Variants in FNBP1 observed in about 807,000 individuals in gnomAD.
FNBP1 encodes the protein formin binding protein 1.
Under a neutral mutation model 90.6 loss-of-function variants are expected in FNBP1, and 26 were observed. The ratio of observed to expected loss-of-function variants is 0.29; its 90% confidence interval spans 0.21 to 0.40. The LOEUF is 0.40. Among genes scored for constraint, FNBP1 ranks in the 10% least tolerant of loss-of-function variants. The probability of loss-of-function intolerance (pLI) is 1.00; values close to 1 mark genes in which losing one functional copy is unlikely to be tolerated. For synonymous variants in FNBP1, 260 were observed against 265.2 expected (o/e 0.98, Z 0.19); for missense variants, 635 against 768.0 (o/e 0.83, Z 2.05).
intron 6 of FNBP1, among the ~76,000 whole-genome samples, chr9:129,942,851 T>TA (rs1020589905): frequency 6.6e-6 from 1 of 151,116 alleles, no homozygotes; most frequent in African/African-American, 2.4e-5. Context: ...CTTTCTTTTT[T>TA]TTTTCTGAGA....
At chr9:130,017,511 A>C (rs2057352847) in intron 1 of FNBP1, among the ~76,000 whole-genome samples, 1 of 152,176 alleles carries the variant, frequency 6.6e-6, no homozygotes, top group Non-Finnish European at 1.5e-5. Flanking sequence ...TGTGAATGTA[A>C]TTAACACACT....
chr9:129,890,267 A>G lies in FNBP1; in HGVS notation c.*272T>C. ...GTAGGGGCGTGTGTCCCACCGTCTC[A>G]GTGGCCTGCGCGGGGTGGGGAGGGG... On this transcript the variant is annotated 3_prime_UTR_variant, in exon 17 of 17. Coordinates refer to ENST00000446176, the MANE Select transcript of FNBP1 (RefSeq NM_015033.3). This position sits in a 1 kb window ranked among gnomAD's most constrained non-coding sequence, Gnocchi z 5.8. 1.9e-6 allele frequency: 1 copy of G among 521,066 alleles called. No individual in the cohort carries two copies. Among genetic ancestry groups the G allele is most frequent in the Non-Finnish European group, 3.4e-6 (1 of 294,118 alleles). 32.3% of individuals were successfully genotyped at this position (521,066 alleles called of 1,614,324 possible).
In FNBP1 at chr9:129,900,491, C is replaced by T; in HGVS notation, c.1485G>A (p.Arg495=). 1 of 1,600,704 alleles carries T rather than the reference C, an allele frequency of 6.2e-7. No homozygotes were observed. Among genetic ancestry groups the T allele is most frequent in the South Asian group, 1.1e-5 (1 of 88,900 alleles). Reference sequence around the variant, plus strand: ...TCTGGCTGTCGTACAGTCCGCTCTGCCGGCGCGCCTGCTCGCTGCGTGCTG... The same window carrying T: ...TCTGGCTGTCGTACAGTCCGCTCTGTCGGCGCGCCTGCTCGCTGCGTGCTG... ...RLPARSEQAR[R]QSGLYDSQNP... Residue 495 remains arginine, a synonymous_variant, in exon 14 of 17, where the codon CGG becomes CGA. Transcript: ENST00000446176. This position sits in a 1 kb window ranked among gnomAD's most constrained non-coding sequence, Gnocchi z 4.1.
intron 1 of FNBP1, among the ~76,000 whole-genome samples, chr9:129,998,360 C>T (rs1331948099): frequency 6.6e-6 from 1 of 151,234 alleles, no homozygotes; most frequent in East Asian, 1.9e-4. Context: ...ACTAAAAATA[C>T]AAAATTAGCT....
chr9:129,979,240 G>T, intron 3 of FNBP1, 78 bp downstream of exon 3: 1 of 769,446 alleles, frequency 1.3e-6, no homozygotes, highest in South Asian at 1.8e-5. Context: ...TATTTTTATA[G>T]ACATGTATTT....
chr9:130,026,789 CCAAAAAA>C (rs1309063021), intron 1 of FNBP1, among the ~76,000 whole-genome samples: 3 of 151,466 alleles, frequency 2.0e-5, no homozygotes, highest in Non-Finnish European at 2.9e-5. Flanking sequence ...CCTGTCTCTA[CCAAAAAA>C]CAAAAAACAA....
At position 130,042,928 on chromosome 9, in the gene FNBP1, C is replaced by T. The variant is rs2059974541; in HGVS notation, c.24+24G>A. 1 of 1,231,536 alleles carries T rather than the reference C, an allele frequency of 8.1e-7. No individual in the cohort carries two copies. The highest frequency in any genetic ancestry group is 1.0e-6 in the Non-Finnish European group (1 of 986,792). 76.3% of individuals were successfully genotyped at this position (1,231,536 alleles called of 1,614,324 possible). A position where few individuals can be genotyped will look rare whatever the true frequency, so the allele number is the denominator to read the frequency against. ...AACGCAGCGCGCGCCCCGCATCTGC[C>T]CGCGGGCCCAGCCCCTCACTCACCC... On this transcript the variant is annotated intron_variant, in intron 1 of 16. Coordinates refer to ENST00000446176, the MANE Select transcript of FNBP1 (RefSeq NM_015033.3). The surrounding 1 kb of genome is among the most constrained non-coding windows in gnomAD (Gnocchi z 5.5).
chr9:130,023,325 C>T (rs2058030377), intron 1 of FNBP1, among the ~76,000 whole-genome samples: 1 of 152,178 alleles, frequency 6.6e-6, no homozygotes, highest in African/African-American at 2.4e-5. Context: ...CCCAATTCCC[C>T]TTCTTTAACA....
chr9:130,033,734 T>C (rs966613137), intron 1 of FNBP1, among the ~76,000 whole-genome samples: 3 of 151,344 alleles, frequency 2.0e-5, no homozygotes, highest in African/African-American at 4.9e-5. Context: ...GGCTCACGCC[T>C]GTAATCACAG....
chr9:129,909,270 A>T (rs2038771641), intron 11 of FNBP1, among the ~76,000 whole-genome samples: 1 of 152,230 alleles, frequency 6.6e-6, no homozygotes, highest in Non-Finnish European at 1.5e-5. Context: ...AGAGTAAGAG[A>T]TACTTCTGAC....
intron 1 of FNBP1, among the ~76,000 whole-genome samples, chr9:130,002,438 G>A (rs185047151): frequency 6.6e-6 from 1 of 152,222 alleles, no homozygotes; most frequent in East Asian, 1.9e-4. Flanking sequence ...CCTTGGTGCC[G>A]TCCTTGACGT....
At chr9:130,023,755 C>T (rs2058078459) in intron 1 of FNBP1, among the ~76,000 whole-genome samples, 2 of 152,148 alleles carry the variant, frequency 1.3e-5, no homozygotes, top group African/African-American at 4.8e-5. Flanking sequence ...CCCATGGAAA[C>T]GTCATCCTTT....
At position 130,037,354 on chromosome 9, in the gene FNBP1, G is replaced by A. The variant is rs558763620; in HGVS notation, c.24+5598C>T. On this transcript the variant is annotated intron_variant, in intron 1 of 16. Coordinates refer to ENST00000446176, the MANE Select transcript of FNBP1 (RefSeq NM_015033.3). ...GGGTGACTGAGCAAAACTCCATCTC[G>A]AAAAAGAAAAAAGAAAAAAGAGCAG... Among the ~76,000 whole-genome samples the A allele has an allele frequency of 3.3e-5, 5 of 151,828 alleles. No homozygotes were observed. The South Asian group carries it at 8.3e-4, about 25-fold the overall frequency.
rs2034974622 is a variant in FNBP1 at position 129,890,173 on chromosome 9, G to C, written c.*366C>G. 2.6e-6 allele frequency: 1 copy of C among 390,412 alleles called. No individual in the cohort carries two copies. The highest frequency in any genetic ancestry group is 4.8e-5 in the South Asian group (1 of 20,824). The allele number at this position is 390,412 out of a possible 1,614,324, so 24.2% of individuals were successfully genotyped here. A position where few individuals can be genotyped will look rare whatever the true frequency, so the allele number is the denominator to read the frequency against. ...GACCCGTGATGACACTTTCACAAAA[G>C]GCACTGTGTGAAGCGCGGAAGGGCT... On this transcript the variant is annotated 3_prime_UTR_variant, in exon 17 of 17. Transcript: ENST00000446176. This position sits in a 1 kb window ranked among gnomAD's most constrained non-coding sequence, Gnocchi z 5.8.
intron 15 of FNBP1, among the ~76,000 whole-genome samples, chr9:129,898,271 C>A (rs1305157981): frequency 1.3e-5 from 2 of 152,170 alleles, no homozygotes; most frequent in Admixed American, 6.5e-5. Context: ...CCACATAAAA[C>A]CCAGATGTTT....
chr9:130,051,626 C>T, the FNBP1 span, among the ~76,000 whole-genome samples: 2 of 152,086 alleles, frequency 1.3e-5, no homozygotes, highest in Non-Finnish European at 2.9e-5. Context: ...ACCAGCCTGG[C>T]CAACATGGTG....
At chr9:129,985,961 CAA>C (rs898462142) in intron 2 of FNBP1, among the ~76,000 whole-genome samples, 13 of 45,124 alleles carry the variant, frequency 2.9e-4, no homozygotes, top group East Asian at 1.3e-3. Context: ...AGCTCCATCT[CAA>C]AAAAAAAAAA....
At chr9:129,899,818 A>G in intron 15 of FNBP1, 147 bp downstream of exon 15, 1 of 588,972 alleles carries the variant, frequency 1.7e-6, no homozygotes, top group South Asian at 3.3e-5. Context: ...GGGGAAGGGG[A>G]AGGGGAAGGG....
intron 2 of FNBP1, among the ~76,000 whole-genome samples, chr9:129,994,405 G>A (rs549728801): frequency 6.6e-6 from 1 of 152,026 alleles, no homozygotes; most frequent in African/African-American, 2.4e-5. Context: ...GTTACCGCTG[G>A]GGGGAGAGTG....
Sources: gnomAD v4.1 joint callset for allele counts (sites outside exome capture counted in the v4.1 genomes callset) on GRCh38, gnomAD v4.1.1 for gene constraint, Gnocchi (gnomAD v3.1) non-coding constraint, MANE v1.5 for transcripts, NCBI Gene and HGNC (gene_info 2026-07-23, HGNC 2026-07-21) for gene names.